SLC9A9: variants seen among roughly 807,000 people sequenced by gnomAD.
SLC9A9 encodes the protein sodium/hydrogen exchanger 9.
SLC9A9 carries 62 observed loss-of-function variants against 77.8 expected under a neutral mutation model. The observed-to-expected ratio is 0.80, with a 90% CI of 0.65 to 0.98. The LOEUF (loss-of-function observed/expected upper bound fraction) is 0.98, where lower values mean the gene tolerates loss of function less well. SLC9A9 is among the 50% of genes least tolerant of loss of function. SLC9A9 has a pLI of 0.00. For synonymous variants in SLC9A9, 320 were observed against 283.5 expected, an observed-to-expected ratio of 1.13 and a Z score of -1.29; for missense variants, 775 against 774.9, an observed-to-expected ratio of 1.00 and a Z score of 0.00.
At chr3:143,684,684 T>C (rs1252409062) in intron 5 of SLC9A9, among the ~76,000 whole-genome samples, 1 of 152,110 alleles carries the variant, frequency 6.6e-6, no homozygotes, top group African/African-American at 2.4e-5. Context: ...AGGAGTTTAT[T>C]TAATCCACTG....
chr3:143,517,090 TCAGC>T, intron 9 of SLC9A9: 2 of 1,363,388 alleles, frequency 1.5e-6, no homozygotes, highest in African/African-American at 1.5e-5. Flanking sequence ...TTTTTTTCCT[TCAGC>T]AAGGGCTTTA....
Position 143,268,853 on chromosome 3 carries a change from T to C in SLC9A9, c.1710+22A>G, listed in dbSNP as rs762033842. Reference sequence around the variant, plus strand: ...TCCCACAAGGGATATTCCCTCACCCTAGAGGCCTGAGATTTACTTACCCCA... The same window carrying C: ...TCCCACAAGGGATATTCCCTCACCCCAGAGGCCTGAGATTTACTTACCCCA... On this transcript the variant is annotated intron_variant, in intron 15 of 15. Transcript: ENST00000316549. 4.6e-6 allele frequency: 7 copies of C among 1,513,438 alleles called. No homozygotes were observed. In the East Asian group the frequency reaches 7.9e-5, roughly 17 times the overall value. The allele number at this position is 1,513,438 out of a possible 1,614,324, so 93.8% of individuals were successfully genotyped here. A position where few individuals can be genotyped will look rare whatever the true frequency, so the allele number is the denominator to read the frequency against.
chr3:143,747,901 C>T (rs1935232952), intron 4 of SLC9A9, among the ~76,000 whole-genome samples: 1 of 152,152 alleles, frequency 6.6e-6, no homozygotes, highest in South Asian at 2.1e-4. Flanking sequence ...GGTCCTTTCC[C>T]CTCAGGGTAG....
At chr3:143,308,468 T>G (rs975253918) in intron 14 of SLC9A9, among the ~76,000 whole-genome samples, 1 of 151,290 alleles carries the variant, frequency 6.6e-6, no homozygotes, top group African/African-American at 2.4e-5. Flanking sequence ...CCCAGCTACT[T>G]GGGAGGCTGA....
intron 5 of SLC9A9, among the ~76,000 whole-genome samples, chr3:143,679,244 C>T (rs1441703340): frequency 1.3e-5 from 2 of 152,196 alleles, no homozygotes; most frequent in East Asian, 3.8e-4. Flanking sequence ...ACTGGCTAAA[C>T]ACTGGGGCAG....
chr3:143,515,493 C>T (rs557834529), intron 9 of SLC9A9, among the ~76,000 whole-genome samples: 39 of 152,320 alleles, frequency 2.6e-4, no homozygotes, highest in African/African-American at 9.4e-4. Flanking sequence ...AAAGGCATTA[C>T]ACTTCTGAAG....
At chr3:143,684,835 TGA>T (rs1202238814) in intron 5 of SLC9A9, among the ~76,000 whole-genome samples, 1 of 152,022 alleles carries the variant, frequency 6.6e-6, no homozygotes, top group Non-Finnish European at 1.5e-5. Context: ...AGCAGAAAAA[TGA>T]GACTGGGAGG....
intron 12 of SLC9A9, among the ~76,000 whole-genome samples, chr3:143,425,273 T>C (rs1375529487): frequency 6.6e-6 from 1 of 150,738 alleles, no homozygotes. Flanking sequence ...GCTTTTTTTT[T>C]TTTTTTTTTT....
intron 8 of SLC9A9, among the ~76,000 whole-genome samples, chr3:143,559,508 C>T (rs1200371590): frequency 1.3e-5 from 2 of 151,694 alleles, no homozygotes; most frequent in African/African-American, 4.8e-5. Flanking sequence ...CTGTCATTTT[C>T]CTATGTATTA....
intron 2 of SLC9A9, among the ~76,000 whole-genome samples, chr3:143,800,309 G>T (rs959398648): frequency 4.6e-5 from 7 of 151,894 alleles, no homozygotes; most frequent in African/African-American, 1.7e-4. Context: ...AAGGAGTAAA[G>T]CCTGTTATCA....
chr3:143,506,105 C>A (rs1204212371), intron 9 of SLC9A9, among the ~76,000 whole-genome samples: 2 of 152,202 alleles, frequency 1.3e-5, no homozygotes, highest in Non-Finnish European at 2.9e-5. Context: ...GAGTACTTAT[C>A]ATGATACTGC....
intron 14 of SLC9A9, among the ~76,000 whole-genome samples, chr3:143,359,728 G>A (rs370386458): frequency 1.5e-4 from 23 of 152,258 alleles, no homozygotes; most frequent in African/African-American, 5.3e-4. Flanking sequence ...TAGGAATTTG[G>A]TGTCTGGTTT....
At chr3:143,760,279 C>G (rs923370761) in intron 4 of SLC9A9, among the ~76,000 whole-genome samples, 5 of 152,128 alleles carry the variant, frequency 3.3e-5, no homozygotes, top group Middle Eastern at 3.2e-3. Context: ...CCTTTGAAAA[C>G]TGGCACAAGA....
intron 14 of SLC9A9, among the ~76,000 whole-genome samples, chr3:143,275,343 A>T (rs184197429): frequency 6.6e-6 from 1 of 152,288 alleles, no homozygotes; most frequent in East Asian, 1.9e-4. Context: ...GTTAAAACTT[A>T]TCTAATGTCG....
chr3:143,502,575 T>G (rs1444285295), intron 9 of SLC9A9, among the ~76,000 whole-genome samples: 1 of 152,234 alleles, frequency 6.6e-6, no homozygotes, highest in Non-Finnish European at 1.5e-5. Context: ...CATATTATTA[T>G]GGTTCATAGG....
chr3:143,507,491 G>A (rs933759751), intron 9 of SLC9A9, among the ~76,000 whole-genome samples: 5 of 152,168 alleles, frequency 3.3e-5, no homozygotes, highest in Admixed American at 2.6e-4. Context: ...ACAGGCGTGA[G>A]CCACTGCGCC....
intron 8 of SLC9A9, among the ~76,000 whole-genome samples, chr3:143,559,899 C>A (rs961895514): frequency 6.6e-6 from 1 of 152,176 alleles, no homozygotes; most frequent in Non-Finnish European, 1.5e-5. Context: ...TCTGCCCAAG[C>A]GACAGAGCAG....
intron 4 of SLC9A9, among the ~76,000 whole-genome samples, chr3:143,694,045 G>A (rs1281480314): frequency 6.6e-6 from 1 of 152,068 alleles, no homozygotes; most frequent in Non-Finnish European, 1.5e-5. Context: ...ATTTTGCTAA[G>A]ATCCTAGTAG....
chr3:143,750,224 G>T (rs2006662266), intron 4 of SLC9A9, among the ~76,000 whole-genome samples: 1 of 152,186 alleles, frequency 6.6e-6, no homozygotes, highest in South Asian at 2.1e-4. Context: ...TCTAACTTCA[G>T]TTAAAATCAT....
Sources: allele counts gnomAD v4.1 joint callset (sites outside exome capture counted in the v4.1 genomes callset), GRCh38; gene constraint gnomAD v4.1.1; transcripts MANE v1.5; gene names NCBI Gene and HGNC (gene_info 2026-07-23, HGNC 2026-07-21).